MAP2: variants seen among roughly 807,000 people sequenced by gnomAD.
The protein encoded by MAP2 is microtubule-associated protein 2.
A neutral mutation model predicts 137.6 loss-of-function variants in MAP2; 14 were observed. The observed-to-expected ratio is 0.10, with a 90% CI of 0.07 to 0.16. The LOEUF is 0.16. MAP2 is among the 10% of genes least tolerant of loss of function. MAP2 has a pLI of 1.00. For missense variants in MAP2, 2,088 were observed against 2,191.5 expected (o/e 0.95, Z 0.94); for synonymous variants, 786 against 782.3 (o/e 1.00, Z -0.08).
intron 5 of MAP2, among the ~76,000 whole-genome samples, chr2:209,676,720 C>T (rs1227866762): frequency 1.1e-4 from 8 of 71,836 alleles, no homozygotes; most frequent in Non-Finnish European, 1.9e-4. Flanking sequence ...ACACAAAGGT[C>T]ATATATATAT....
intron 1 of MAP2, among the ~76,000 whole-genome samples, chr2:209,497,870 A>T (rs2059938095): frequency 6.6e-6 from 1 of 152,172 alleles, no homozygotes; most frequent in African/African-American, 2.4e-5. Context: ...TGGGGATTAC[A>T]ATTCAACATG....
chr2:209,425,968 C>T (rs1692451932), intron 1 of MAP2, among the ~76,000 whole-genome samples: 1 of 152,166 alleles, frequency 6.6e-6, no homozygotes, highest in African/African-American at 2.4e-5. Flanking sequence ...AGCCCCAGCC[C>T]CATGCACACA....
chr2:209,540,495 G>T (rs1314637288), intron 2 of MAP2, among the ~76,000 whole-genome samples: 1 of 150,446 alleles, frequency 6.6e-6, no homozygotes, highest in Admixed American at 6.6e-5. Context: ...GCCGAGCGTG[G>T]TGGCACGCGT....
intron 1 of MAP2, among the ~76,000 whole-genome samples, chr2:209,454,788 A>G (rs958457844): frequency 2.0e-5 from 3 of 151,592 alleles, no homozygotes; most frequent in African/African-American, 7.3e-5. Flanking sequence ...AAACAGGTGC[A>G]TTGCACTCAT....
chr2:209,729,784 C>G, intron 14 of MAP2, 66 bp from the exon 15 acceptor site: 1 of 1,054,234 alleles, frequency 9.5e-7, no homozygotes, highest in Non-Finnish European at 1.5e-6. Flanking sequence ...CTACTGCAGT[C>G]ATTTTTGGGA....
At chr2:209,725,644 TG>T in intron 13 of MAP2, 64 bp from the exon 14 acceptor site, 1 of 1,013,102 alleles carries the variant, frequency 9.9e-7, no homozygotes, top group Non-Finnish European at 1.4e-6. Context: ...CTAGATCTTA[TG>T]TATGAGCTTG....
At chr2:209,663,518 T>C (rs1293173451) in intron 5 of MAP2, among the ~76,000 whole-genome samples, 1 of 152,198 alleles carries the variant, frequency 6.6e-6, no homozygotes, top group Non-Finnish European at 1.5e-5. Flanking sequence ...TGTCATAGGT[T>C]GTCATGCAAC....
intron 1 of MAP2, among the ~76,000 whole-genome samples, chr2:209,482,375 A>G (rs545611170): frequency 1.3e-5 from 2 of 152,358 alleles, no homozygotes; most frequent in South Asian, 4.1e-4. Flanking sequence ...GTTAAAATTC[A>G]GTGAAATAAT....
chr2:209,648,264 G>A (rs1234979684), intron 4 of MAP2, among the ~76,000 whole-genome samples: 2 of 151,894 alleles, frequency 1.3e-5, no homozygotes, highest in African/African-American at 4.8e-5. Context: ...ACCACACCCA[G>A]CTAATTTTTG....
At chr2:209,657,293 G>C (rs972889272) in intron 5 of MAP2, among the ~76,000 whole-genome samples, 1 of 152,216 alleles carries the variant, frequency 6.6e-6, no homozygotes, top group African/African-American at 2.4e-5. Context: ...TAGATACCCA[G>C]TAGTGAGATT....
intron 1 of MAP2, among the ~76,000 whole-genome samples, chr2:209,480,595 A>G (rs894848924): frequency 2.0e-5 from 3 of 152,110 alleles, no homozygotes; most frequent in Non-Finnish European, 4.4e-5. Context: ...GTTCTAGTCC[A>G]TGAGCAGGAT....
intron 1 of MAP2, among the ~76,000 whole-genome samples, chr2:209,493,599 A>G (rs143152655): frequency 5.5e-4 from 84 of 152,284 alleles, no homozygotes; most frequent in African/African-American, 1.8e-3. Flanking sequence ...AAGAAAAAAC[A>G]ATCCCACCAA....
chr2:209,674,614 TATAGATAG>T (rs1244473511), intron 5 of MAP2, among the ~76,000 whole-genome samples: 6 of 147,676 alleles, frequency 4.1e-5, no homozygotes, highest in Non-Finnish European at 7.4e-5. Context: ...CCCCTAAATA[TATAGATAG>T]ATGGATGGAT....
At position 209,678,545 on chromosome 2, in the gene MAP2, A is replaced by G. The variant is rs200526652; in HGVS notation, c.263-27A>G. 2.2e-3 allele frequency: 2,649 copies of G among 1,202,490 alleles called. 10 individuals carry two copies. Among genetic ancestry groups the G allele is most frequent in the Non-Finnish European group, 2.4e-3 (1,992 of 844,652 alleles). 74.5% of individuals were successfully genotyped at this position (1,202,490 alleles called of 1,614,324 possible). A position where few individuals can be genotyped will look rare whatever the true frequency, so the allele number is the denominator to read the frequency against. Reference sequence around the variant, plus strand: ...GCTTTCTCAGACTTCTCATCGTTATATTTTATTTTGTTACTGTTTATTACA... The same window carrying G: ...GCTTTCTCAGACTTCTCATCGTTATGTTTTATTTTGTTACTGTTTATTACA... On this transcript the variant is annotated intron_variant, in intron 5 of 15. Transcript: ENST00000682079.
chr2:209,461,478 G>A (rs189473030), intron 1 of MAP2, among the ~76,000 whole-genome samples: 5 of 151,172 alleles, frequency 3.3e-5, no homozygotes, highest in South Asian at 4.2e-4. Flanking sequence ...TTTTCGAGAC[G>A]GAGTTTTGCT....
chr2:209,540,500 A>AT (rs1345748267), intron 2 of MAP2, among the ~76,000 whole-genome samples: 1 of 143,768 alleles, frequency 7.0e-6, no homozygotes, highest in African/African-American at 3.0e-5. Flanking sequence ...GCGTGGTGGC[A>AT]CGCGTCTGTA....
At chr2:209,559,631 A>C (rs2071536533) in intron 2 of MAP2, among the ~76,000 whole-genome samples, 1 of 152,120 alleles carries the variant, frequency 6.6e-6, no homozygotes, top group African/African-American at 2.4e-5. Flanking sequence ...AGCCTGGATG[A>C]TAGAGAAAGA....
intron 1 of MAP2, among the ~76,000 whole-genome samples, chr2:209,478,877 A>T (rs898529634): frequency 1.6e-4 from 25 of 152,210 alleles, no homozygotes; most frequent in Non-Finnish European, 2.2e-4. Flanking sequence ...CCTCTAATGA[A>T]ATAGGATGGA....
chr2:209,467,243 C>G (rs1468641219), intron 1 of MAP2, among the ~76,000 whole-genome samples: 1 of 152,136 alleles, frequency 6.6e-6, no homozygotes, highest in Non-Finnish European at 1.5e-5. Context: ...TTGCAACGAC[C>G]TCTTTCCTGG....
Sources: allele counts gnomAD v4.1 joint callset (sites outside exome capture counted in the v4.1 genomes callset), GRCh38; gene constraint gnomAD v4.1.1; transcripts MANE v1.5; gene names NCBI Gene and HGNC (gene_info 2026-07-23, HGNC 2026-07-21).